PDE4D: variants seen among roughly 807,000 people sequenced by gnomAD.
The protein encoded by PDE4D is 3',5'-cyclic-AMP phosphodiesterase 4D.
PDE4D carries 24 observed loss-of-function variants against 87.4 expected under a neutral mutation model. The ratio of observed to expected loss-of-function variants is 0.27; its 90% CI spans 0.20 to 0.39. The LOEUF (loss-of-function observed/expected upper bound fraction) is 0.39. Ranked by LOEUF, PDE4D falls within the 10% of genes least tolerant of loss-of-function variation. The pLI, the probability that PDE4D is intolerant of heterozygous loss-of-function variation, is 1.00. For synonymous variants in PDE4D, 384 were observed against 383.2 expected (o/e 1.00, Z -0.02); for missense variants, 714 against 1,041.0 (o/e 0.69, Z 4.32).
At chr5:59,494,492 T>G (rs1353476820) in intron 1 of PDE4D, among the ~76,000 whole-genome samples, 1 of 152,128 alleles carries the variant, frequency 6.6e-6, no homozygotes, top group Non-Finnish European at 1.5e-5. Context: ...AAAAAACACC[T>G]AGAAATTTAT....
intron 1 of PDE4D, among the ~76,000 whole-genome samples, chr5:59,574,142 AT>A (rs1822674569): frequency 2.2e-4 from 1 of 4,464 alleles, no homozygotes; most frequent in Non-Finnish European, 7.6e-4. Context: ...ATATATATAT[AT>A]AAATATATAT....
intron 1 of PDE4D, among the ~76,000 whole-genome samples, chr5:60,384,711 C>T (rs1314544719): frequency 6.6e-6 from 1 of 152,160 alleles, no homozygotes; most frequent in Non-Finnish European, 1.5e-5. Flanking sequence ...TACTCCCCAT[C>T]CCCACACTCA....
intron 1 of PDE4D, among the ~76,000 whole-genome samples, chr5:60,465,129 T>A (rs1022498896): frequency 5.3e-5 from 8 of 151,696 alleles, no homozygotes; most frequent in Admixed American, 3.9e-4. Context: ...TAAATAAAAA[T>A]AAATAATTAA....
intron 2 of PDE4D, among the ~76,000 whole-genome samples, chr5:60,051,187 A>T (rs1266571783): frequency 1.3e-5 from 2 of 152,266 alleles, no homozygotes; most frequent in East Asian, 3.9e-4. Flanking sequence ...TGGACCAAGC[A>T]GACTTAATAG....
chr5:59,163,018 T>G (rs552474734), intron 5 of PDE4D, among the ~76,000 whole-genome samples: 1 of 151,690 alleles, frequency 6.6e-6, no homozygotes, highest in South Asian at 2.1e-4. Context: ...ATCTCACCTC[T>G]GCCTCCCGGG....
intron 1 of PDE4D, among the ~76,000 whole-genome samples, chr5:59,366,505 T>A (rs966882632): frequency 1.3e-5 from 2 of 152,186 alleles, no homozygotes; most frequent in Non-Finnish European, 2.9e-5. Flanking sequence ...AATATGTTTT[T>A]GGGATTCTCT....
chr5:60,193,374 G>A (rs1025485281), intron 1 of PDE4D, among the ~76,000 whole-genome samples: 14 of 152,040 alleles, frequency 9.2e-5, no homozygotes, highest in Non-Finnish European at 1.9e-4. Flanking sequence ...AATATGGGTG[G>A]AAAAAGCTGT....
At chr5:59,231,677 A>T (rs1471770073) in intron 1 of PDE4D, among the ~76,000 whole-genome samples, 1 of 152,208 alleles carries the variant, frequency 6.6e-6, no homozygotes, top group Non-Finnish European at 1.5e-5. Context: ...TAAACTGGAA[A>T]GTACGTACTG....
intron 1 of PDE4D, among the ~76,000 whole-genome samples, chr5:59,832,200 C>T (rs1264370379): frequency 6.6e-6 from 1 of 151,996 alleles, no homozygotes; most frequent in African/African-American, 2.4e-5. Flanking sequence ...GGCTTTTGCT[C>T]AAATAGAAAT....
intron 6 of PDE4D, among the ~76,000 whole-genome samples, chr5:59,012,948 A>G (rs1309796909): frequency 6.6e-6 from 1 of 152,192 alleles, no homozygotes; most frequent in African/African-American, 2.4e-5. Flanking sequence ...ATTATAACAA[A>G]TTTTCTCTCA....
At position 58,969,817 on chromosome 5, in the gene PDE4D, G is replaced by A. The variant is rs1325497777; in HGVS notation, c.*4847C>T. On this transcript the variant is annotated 3_prime_UTR_variant, in exon 15 of 15. Transcript: ENST00000340635. ...TCAATATCCCAGAATATTCAATTAA[G>A]TAAGTATGGAAGGCCCCTTTCAAAG... The A allele has an allele frequency of 6.6e-6, 1 of 152,134 alleles. No homozygotes were observed. The highest frequency in any genetic ancestry group is 1.5e-5 in the Non-Finnish European group (1 of 68,032). The allele number at this position is 152,134 out of a possible 1,614,324, so 9.4% of individuals were successfully genotyped here.
intron 2 of PDE4D, among the ~76,000 whole-genome samples, chr5:60,072,309 C>CT (rs1038686038): frequency 1.3e-5 from 2 of 151,952 alleles, no homozygotes; most frequent in Non-Finnish European, 2.9e-5. Context: ...GCTGCACGTA[C>CT]TTTTTTTGCA....
chr5:59,837,058 C>G (rs955624322), intron 1 of PDE4D, among the ~76,000 whole-genome samples: 1 of 152,028 alleles, frequency 6.6e-6, no homozygotes. Flanking sequence ...CACCTTTCCC[C>G]AACTTCAAAA....
intron 2 of PDE4D, among the ~76,000 whole-genome samples, chr5:60,045,884 T>C (rs556275131): frequency 6.6e-6 from 1 of 152,328 alleles, no homozygotes; most frequent in East Asian, 1.9e-4. Context: ...AAGTAGTTTT[T>C]TTTCCAATTC....
chr5:60,111,342 T>A (rs1166485030), intron 2 of PDE4D, among the ~76,000 whole-genome samples: 1 of 152,022 alleles, frequency 6.6e-6, no homozygotes, highest in African/African-American at 2.4e-5. Context: ...TTTTTGGTTA[T>A]TATTATATGT....
chr5:59,768,220 T>C (rs770350384), intron 1 of PDE4D: 1 of 1,593,986 alleles, frequency 6.3e-7, no homozygotes, highest in South Asian at 1.1e-5. Flanking sequence ...ACGGCCACCA[T>C]TTCTGCGAGG....
intron 1 of PDE4D, among the ~76,000 whole-genome samples, chr5:60,417,908 AC>A (rs572496899): frequency 6.0e-4 from 91 of 151,588 alleles, no homozygotes; most frequent in Non-Finnish European, 9.4e-4. Context: ...GAAAAAAAAA[AC>A]ACTCTAAGCT....
At chr5:59,506,007 A>T (rs1562300871) in intron 1 of PDE4D, among the ~76,000 whole-genome samples, 1 of 151,992 alleles carries the variant, frequency 6.6e-6, no homozygotes, top group Non-Finnish European at 1.5e-5. Context: ...AATGCTTTTA[A>T]TTTTTTTTCA....
intron 2 of PDE4D, among the ~76,000 whole-genome samples, chr5:60,068,268 G>A (rs1772327456): frequency 6.6e-6 from 1 of 152,072 alleles, no homozygotes; most frequent in Non-Finnish European, 1.5e-5. Flanking sequence ...TTCTACTATA[G>A]TAGGTGTTAA....
Sources: gnomAD v4.1 joint callset for allele counts (sites outside exome capture counted in the v4.1 genomes callset) on GRCh38, gnomAD v4.1.1 for gene constraint, MANE v1.5 for transcripts, NCBI Gene and HGNC (gene_info 2026-07-23, HGNC 2026-07-21) for gene names.